Variants in CMSS1 observed in about 807,000 individuals in gnomAD.
The protein encoded by CMSS1 is cms1 ribosomal small subunit homolog.
A neutral mutation model predicts 43.5 loss-of-function variants in CMSS1; 33 were observed. That is an observed-to-expected ratio of 0.76 (90% CI 0.57 to 1.01). CMSS1 has a LOEUF of 1.01. Among genes scored for constraint, CMSS1 ranks in the 50% least tolerant of loss-of-function variants. The pLI, the probability that CMSS1 is intolerant of heterozygous loss-of-function variation, is 0.00. For missense variants in CMSS1, 313 were observed against 326.4 expected (o/e 0.96, Z 0.32); for synonymous variants, 115 against 117.2 (o/e 0.98, Z 0.12).
At chr3:99,891,541 T>C (rs538616579) in intron 1 of CMSS1, among the ~76,000 whole-genome samples, 148 of 152,314 alleles carry the variant, frequency 9.7e-4, no homozygotes, top group African/African-American at 3.3e-3. Context: ...TATTTTATTT[T>C]GCTTTTTAAT....
rs553620574 is a variant in CMSS1, at chr3:99,827,335, C to T, written c.64+9292C>T. Among the ~76,000 whole-genome samples, 25 of 151,628 alleles carry T rather than the reference C, an allele frequency of 1.6e-4. No homozygotes were observed. In the South Asian group the frequency reaches 4.6e-3, roughly 28 times the overall value. On this transcript the variant is annotated intron_variant, in intron 1 of 9. Coordinates refer to ENST00000421999, the MANE Select transcript of CMSS1 (RefSeq NM_032359.4). Reference sequence around the variant, plus strand: ...GCCTCCTGAGTAGCTGGGATTACAGCCATGCACCACCAAGCCCAGCTAATT... The same window carrying T: ...GCCTCCTGAGTAGCTGGGATTACAGTCATGCACCACCAAGCCCAGCTAATT...
intron 1 of CMSS1, among the ~76,000 whole-genome samples, chr3:100,047,058 C>A (rs1250335785): frequency 3.9e-5 from 6 of 152,204 alleles, no homozygotes; most frequent in African/African-American, 1.4e-4. Context: ...GTATTGTCCT[C>A]AGGTTTTGAA....
intron 4 of CMSS1, among the ~76,000 whole-genome samples, chr3:100,164,432 C>G (rs1194899394): frequency 6.6e-6 from 1 of 152,096 alleles, no homozygotes; most frequent in Non-Finnish European, 1.5e-5. Flanking sequence ...TTTAAGGAGT[C>G]ATTTGAGTTC....
chr3:100,131,065 G>T (rs981430008), intron 1 of CMSS1, among the ~76,000 whole-genome samples: 1 of 152,180 alleles, frequency 6.6e-6, no homozygotes, highest in Admixed American at 6.5e-5. Context: ...CATTTTGTGA[G>T]AATTCACTTG....
intron 1 of CMSS1, among the ~76,000 whole-genome samples, chr3:99,972,332 A>C (rs1044015385): frequency 6.6e-6 from 1 of 152,196 alleles, no homozygotes; most frequent in African/African-American, 2.4e-5. Context: ...GCATGTGGAA[A>C]ACTAATGCCA....
chr3:99,853,139 G>A (rs1204163193), intron 1 of CMSS1, among the ~76,000 whole-genome samples: 1 of 152,166 alleles, frequency 6.6e-6, no homozygotes, highest in Non-Finnish European at 1.5e-5. Flanking sequence ...AAATGGTCAT[G>A]GGACTTCTCA....
At chr3:99,976,234 T>C (rs1015282369) in intron 1 of CMSS1, among the ~76,000 whole-genome samples, 6 of 152,178 alleles carry the variant, frequency 3.9e-5, no homozygotes, top group African/African-American at 1.4e-4. Context: ...GTCCATATAG[T>C]GTATGCTGCT....
chr3:100,160,279 C>T (rs184097721), intron 2 of CMSS1, 151 bp from the exon 3 acceptor site: 183 of 599,384 alleles, frequency 3.1e-4, no homozygotes, highest in Admixed American at 7.8e-4. Flanking sequence ...TAGTAACCTA[C>T]GGTAGATCTT....
At chr3:100,156,949 T>C (rs2107523656) in intron 2 of CMSS1, among the ~76,000 whole-genome samples, 2 of 152,100 alleles carry the variant, frequency 1.3e-5, no homozygotes, top group Middle Eastern at 6.8e-3. Context: ...TGAGACAGGG[T>C]CTCACTATGT....
chr3:99,869,256 G>T (rs540245327), intron 1 of CMSS1, among the ~76,000 whole-genome samples: 1 of 152,150 alleles, frequency 6.6e-6, no homozygotes. Context: ...AACTTTGCCT[G>T]TGATTCTTTG....
intron 8 of CMSS1, among the ~76,000 whole-genome samples, chr3:100,175,635 A>C (rs1300762887): frequency 6.6e-6 from 1 of 152,208 alleles, no homozygotes; most frequent in African/African-American, 2.4e-5. Context: ...GTGCCACAGG[A>C]GAGGAAGGCT....
chr3:99,862,545 G>A (rs1944314763), intron 1 of CMSS1, among the ~76,000 whole-genome samples: 1 of 152,154 alleles, frequency 6.6e-6, no homozygotes, highest in Non-Finnish European at 1.5e-5. Flanking sequence ...GTACACTGTA[G>A]GGTGTTTAGC....
At chr3:100,090,765 A>G (rs1055447371) in intron 1 of CMSS1, among the ~76,000 whole-genome samples, 1 of 152,088 alleles carries the variant, frequency 6.6e-6, no homozygotes, top group Non-Finnish European at 1.5e-5. Context: ...TCTGATCACC[A>G]CTGTCCTAGG....
At chr3:99,986,261 T>C (rs1368269117) in intron 1 of CMSS1, among the ~76,000 whole-genome samples, 1 of 152,230 alleles carries the variant, frequency 6.6e-6, no homozygotes, top group Admixed American at 6.5e-5. Flanking sequence ...GTAAATTGAA[T>C]GGGATATGTC....
At position 99,906,964 on chromosome 3, in the gene CMSS1, TTTTAAGTTTATTTAAATAATA is replaced by T. The variant is rs1162505936; in HGVS notation, c.64+88942_64+88962del. On this transcript the variant is annotated intron_variant, in intron 1 of 9. Coordinates refer to ENST00000421999, the MANE Select transcript of CMSS1 (RefSeq NM_032359.4). ...GAATGGTTTCATGGAGCAGAACGAC[TTTTAAGTTTATTTAAATAATA>T]TTTAAGTTTATTTAAATAATGTTTA... 3.4e-4 allele frequency among the ~76,000 whole-genome samples: 52 copies of T among 152,338 alleles called. No homozygotes were observed. In the East Asian group the frequency reaches 6.7e-3, roughly 20 times the overall value.
chr3:100,021,346 T>C (rs539811340), intron 1 of CMSS1, among the ~76,000 whole-genome samples: 1 of 152,340 alleles, frequency 6.6e-6, no homozygotes, highest in African/African-American at 2.4e-5. Context: ...TTATCCCCCT[T>C]GGTTTATTGC....
chr3:100,002,585 T>G (rs1329091753), intron 1 of CMSS1, among the ~76,000 whole-genome samples: 2 of 152,206 alleles, frequency 1.3e-5, no homozygotes, highest in Admixed American at 1.3e-4. Flanking sequence ...TAAAGCTGAT[T>G]TTATGCCTAG....
chr3:99,822,807 T>C (rs1261943831), intron 1 of CMSS1, among the ~76,000 whole-genome samples: 1 of 152,244 alleles, frequency 6.6e-6, no homozygotes, highest in African/African-American at 2.4e-5. Flanking sequence ...ACCTGCCAGA[T>C]GCTGTTTTGA....
chr3:100,072,190 A>G (rs2065774225), intron 1 of CMSS1, among the ~76,000 whole-genome samples: 1 of 152,218 alleles, frequency 6.6e-6, no homozygotes, highest in African/African-American at 2.4e-5. Flanking sequence ...GATCTTGGCC[A>G]CTGCAAATCT....
Sources: gnomAD v4.1 joint callset for allele counts (sites outside exome capture counted in the v4.1 genomes callset) on GRCh38, gnomAD v4.1.1 for gene constraint, MANE v1.5 for transcripts, NCBI Gene and HGNC (gene_info 2026-07-23, HGNC 2026-07-21) for gene names.